Variants in PMM2 observed in about 807,000 individuals in gnomAD.
The protein encoded by PMM2 is phosphomannomutase 2, also known as mannose-6-phosphate isomerase.
PMM2 carries 35 observed loss-of-function variants against 33.2 expected under a neutral mutation model. That is an observed-to-expected ratio of 1.06 (90% CI 0.81 to 1.40). The LOEUF (loss-of-function observed/expected upper bound fraction) is 1.40, where lower values mean the gene tolerates loss of function less well. Ranked by LOEUF, PMM2 falls within the 40% of genes most tolerant of loss-of-function variation. The pLI, the probability that PMM2 is intolerant of heterozygous loss-of-function variation, is 0.00. For synonymous variants in PMM2, 153 were observed against 114.7 expected, an observed-to-expected ratio of 1.33 and a Z score of -2.13; for missense variants, 386 against 306.0, an observed-to-expected ratio of 1.26 and a Z score of -1.95.
intron 7 of PMM2, among the ~76,000 whole-genome samples, chr16:8,846,489 G>C (rs34512330): frequency 0.023 from 3,505 of 152,232 alleles, 135 homozygotes; most frequent in African/African-American, 0.079. Flanking sequence ...CAGGGCTCGG[G>C]GTTGCGGGAG....
At chr16:8,800,187 A>G (rs919970929) in intron 1 of PMM2, among the ~76,000 whole-genome samples, 3 of 151,912 alleles carry the variant, frequency 2.0e-5, no homozygotes, top group Non-Finnish European at 4.4e-5. Context: ...GGTGAAACCC[A>G]GTCTCTACTA....
At chr16:8,820,551 A>C (rs1234432330) in intron 7 of PMM2, among the ~76,000 whole-genome samples, 1 of 151,980 alleles carries the variant, frequency 6.6e-6, no homozygotes, top group African/African-American at 2.4e-5. Flanking sequence ...ACGGGGTTTC[A>C]CCATCTTGGC....
chr16:8,846,495 G>A (rs561348950), intron 7 of PMM2, among the ~76,000 whole-genome samples: 6 of 152,248 alleles, frequency 3.9e-5, no homozygotes, highest in East Asian at 1.9e-4. Flanking sequence ...TCGGGGTTGC[G>A]GGAGCGGCAG....
At chr16:8,807,441 T>G (rs1285104467) in intron 4 of PMM2, 1 of 152,148 alleles carries the variant, frequency 6.6e-6, no homozygotes, top group African/African-American at 2.4e-5. Context: ...TTTGTTCCAG[T>G]CACAGACTGC....
At chr16:8,844,551 C>A (rs111999122) in intron 7 of PMM2, among the ~76,000 whole-genome samples, 143,509 of 152,080 alleles carry the variant, frequency 0.94, 67,864 homozygotes, top group East Asian at 0.97. Context: ...GGGTTGGGGT[C>A]CTTGCCCCTT....
At chr16:8,816,472 G>A (rs1159477905) in intron 7 of PMM2, among the ~76,000 whole-genome samples, 1 of 151,862 alleles carries the variant, frequency 6.6e-6, no homozygotes, top group Non-Finnish European at 1.5e-5. Context: ...TGGGTGCGGT[G>A]GCTCACACCT....
chr16:8,841,864 C>G (rs1370698054), intron 7 of PMM2, among the ~76,000 whole-genome samples: 2 of 149,350 alleles, frequency 1.3e-5, no homozygotes, highest in Admixed American at 1.3e-4. Context: ...AGAGTGAGTA[C>G]AGCTGAAGGA....
chr16:8,811,720 T>C lies in PMM2; in HGVS notation c.523+7T>C. On this transcript the variant is annotated splice_region_variant and intron_variant, in intron 6 of 7. Transcript: ENST00000268261. Reference sequence around the variant, plus strand: ...GGCCTCACGTTTTCCATAGGTATTGTATATATTGCCTGTGTTCCAAACTTG... The same window carrying C: ...GGCCTCACGTTTTCCATAGGTATTGCATATATTGCCTGTGTTCCAAACTTG... 6.3e-7 allele frequency: 1 copy of C among 1,589,514 alleles called. No individual in the cohort carries two copies. The highest frequency in any genetic ancestry group is 8.6e-7 in the Non-Finnish European group (1 of 1,157,596).
chr16:8,830,250 G>C (rs1383109184), intron 7 of PMM2, among the ~76,000 whole-genome samples: 1 of 152,198 alleles, frequency 6.6e-6, no homozygotes, highest in African/African-American at 2.4e-5. Context: ...CTGGAAGATA[G>C]CCACAAGGGA....
Position 8,848,053 on chromosome 16 carries a change from G to T in PMM2, c.*228G>T. The stretch of plus-strand genomic sequence containing the variant: ...CCCAGAGGAATGCCTCGCACAAAAG[G>T]TCTTCCCCACCCACCCCCAGCCCCC... On this transcript the variant is annotated 3_prime_UTR_variant, in exon 8 of 8. Transcript: ENST00000268261. The T allele has an allele frequency of 1.8e-6, 1 of 547,200 alleles. No homozygotes were observed. 33.9% of individuals were successfully genotyped at this position (547,200 alleles called of 1,614,324 possible).
intron 1 of PMM2, among the ~76,000 whole-genome samples, chr16:8,800,019 A>G (rs1318097699): frequency 1.3e-5 from 2 of 152,228 alleles, no homozygotes; most frequent in African/African-American, 4.8e-5. Flanking sequence ...GTGTTTATAT[A>G]CTGAGGTTGA....
intron 7 of PMM2, among the ~76,000 whole-genome samples, chr16:8,845,897 G>A (rs1016231237): frequency 3.3e-5 from 5 of 151,516 alleles, no homozygotes; most frequent in South Asian, 2.1e-4. Context: ...CAGGAGGTTC[G>A]CTCGAGCCCA....
chr16:8,809,915 A>T (rs2060668741), intron 4 of PMM2: 1 of 152,026 alleles, frequency 6.6e-6, no homozygotes, highest in African/African-American at 2.4e-5. Context: ...GGCCCAAGCA[A>T]TCCTCCTGTC....
At chr16:8,832,473 C>G in intron 7 of PMM2, 1 of 985,452 alleles carries the variant, frequency 1.0e-6, no homozygotes, top group South Asian at 4.7e-5. Flanking sequence ...AGCAGGACCA[C>G]GGGAGGAGAC....
chr16:8,823,208 A>C (rs1371801932), intron 7 of PMM2, among the ~76,000 whole-genome samples: 2 of 152,170 alleles, frequency 1.3e-5, no homozygotes. Context: ...GCAATTTGAC[A>C]TGTTTTTGTC....
In PMM2 at chr16:8,849,216, C is replaced by T. The variant is rs183218178; in HGVS notation, c.*1391C>T. ...TCCGGTGGGGTGAAAGCAGCCAGCT[C>T]ATCCCAGTGACTCACAGGACACAGC... On this transcript the variant is annotated 3_prime_UTR_variant, in exon 8 of 8. Coordinates refer to ENST00000268261, the MANE Select transcript of PMM2 (RefSeq NM_000303.3). 6.6e-6 allele frequency: 1 copy of T among 152,510 alleles called. No homozygotes were observed. The highest frequency in any genetic ancestry group is 1.9e-4 in the East Asian group (1 of 5,188). The allele number at this position is 152,510 out of a possible 1,614,324, so 9.4% of individuals were successfully genotyped here.
At chr16:8,814,610 C>A (rs1451981969) in intron 7 of PMM2, among the ~76,000 whole-genome samples, 1 of 152,160 alleles carries the variant, frequency 6.6e-6, no homozygotes, top group Non-Finnish European at 1.5e-5. Context: ...AAACTGAAAC[C>A]CATAAAGGGT....
At chr16:8,805,924 T>G (rs1410508726) in intron 3 of PMM2, among the ~76,000 whole-genome samples, 2 of 152,168 alleles carry the variant, frequency 1.3e-5, no homozygotes, top group East Asian at 3.8e-4. Context: ...TGTGTAGCTC[T>G]TAGTAGTAGT....
At chr16:8,832,148 C>T (rs2060813841) in intron 7 of PMM2, 3 of 985,310 alleles carry the variant, frequency 3.0e-6, no homozygotes, top group Non-Finnish European at 3.6e-6. Flanking sequence ...CTCGACACAG[C>T]CCCAAGAAGG....
Sources: allele counts gnomAD v4.1 joint callset (sites outside exome capture counted in the v4.1 genomes callset), GRCh38; gene constraint gnomAD v4.1.1; transcripts MANE v1.5; gene names NCBI Gene and HGNC (gene_info 2026-07-23, HGNC 2026-07-21).